GFRA1: variants seen among roughly 807,000 people sequenced by gnomAD.
The protein encoded by GFRA1 is GDNF family receptor alpha 1, also known as GDNF family receptor alpha-1.
GFRA1 carries 16 observed loss-of-function variants against 51.6 expected under a neutral mutation model. That is an observed-to-expected ratio of 0.31 (90% confidence interval 0.21 to 0.47). GFRA1 has a LOEUF of 0.47. Ranked by LOEUF, GFRA1 falls within the 20% of genes least tolerant of loss-of-function variation. The pLI, the probability that GFRA1 is intolerant of heterozygous loss-of-function variation, is 1.00. For missense variants in GFRA1, 530 were observed against 594.3 expected (o/e 0.89, Z 1.13); for synonymous variants, 270 against 241.3 (o/e 1.12, Z -1.10).
At chr10:116,096,363 G>T (rs115769635) in intron 7 of GFRA1, among the ~76,000 whole-genome samples, 2 of 152,044 alleles carry the variant, frequency 1.3e-5, no homozygotes, top group East Asian at 3.9e-4. Context: ...TTTGTTCTGC[G>T]TGGTCAGTTT....
At chr10:116,220,023 TA>T (rs1204146617) in intron 4 of GFRA1, among the ~76,000 whole-genome samples, 1 of 152,180 alleles carries the variant, frequency 6.6e-6, no homozygotes, top group Non-Finnish European at 1.5e-5. Flanking sequence ...TTTTTAAGTT[TA>T]AAATTACACA....
At chr10:116,067,265 T>C (rs1319037471) in intron 9 of GFRA1, among the ~76,000 whole-genome samples, 11 of 152,182 alleles carry the variant, frequency 7.2e-5, no homozygotes, top group African/African-American at 2.7e-4. Flanking sequence ...TTTATTTCTG[T>C]TCAAGTTTGG....
intron 9 of GFRA1, among the ~76,000 whole-genome samples, chr10:116,071,787 G>A (rs184069253): frequency 3.2e-4 from 49 of 152,252 alleles, no homozygotes; most frequent in African/African-American, 1.1e-3. Context: ...ATGTCTATAC[G>A]AAACTTTACC....
chr10:116,064,572 T>C (rs1255553814), intron 10 of GFRA1, 28 bp from the exon 11 acceptor site: 3 of 1,594,370 alleles, frequency 1.9e-6, no homozygotes, highest in East Asian at 2.2e-5. Flanking sequence ...TTCATTATCA[T>C]CCACTGCATG....
chr10:116,152,057 G>A (rs549817264), intron 5 of GFRA1, among the ~76,000 whole-genome samples: 50 of 152,286 alleles, frequency 3.3e-4, no homozygotes, highest in Non-Finnish European at 3.1e-4. Flanking sequence ...GGAGCATAGC[G>A]TGTGAGTGGA....
At chr10:116,222,665 G>A (rs1031255512) in intron 4 of GFRA1, among the ~76,000 whole-genome samples, 3 of 152,046 alleles carry the variant, frequency 2.0e-5, no homozygotes, top group Admixed American at 6.6e-5. Context: ...CACATAGAAG[G>A]CACTTCACAG....
intron 4 of GFRA1, among the ~76,000 whole-genome samples, chr10:116,225,223 A>C (rs576507535): frequency 3.3e-5 from 5 of 152,098 alleles, no homozygotes; most frequent in African/African-American, 4.8e-5. Flanking sequence ...ATAATTTTTT[A>C]TATTAAATTA....
At chr10:116,198,623 A>G (rs1338602490) in intron 5 of GFRA1, among the ~76,000 whole-genome samples, 2 of 152,128 alleles carry the variant, frequency 1.3e-5, no homozygotes, top group Non-Finnish European at 2.9e-5. Flanking sequence ...CTCTCTCCCA[A>G]GCCCTGGTTT....
chr10:116,166,697 T>C (rs921207186), intron 5 of GFRA1, among the ~76,000 whole-genome samples: 1 of 150,244 alleles, frequency 6.7e-6, no homozygotes, highest in African/African-American at 2.5e-5. Flanking sequence ...CTCCTTTCCT[T>C]CCCTGCCAGT....
chr10:116,227,791 T>C (rs962327287), intron 4 of GFRA1, among the ~76,000 whole-genome samples: 5 of 152,212 alleles, frequency 3.3e-5, no homozygotes, highest in African/African-American at 1.2e-4. Context: ...AGATCCATTT[T>C]CTCCACATGC....
chr10:116,181,698 C>A (rs1962240923), intron 5 of GFRA1, among the ~76,000 whole-genome samples: 1 of 151,918 alleles, frequency 6.6e-6, no homozygotes, highest in Non-Finnish European at 1.5e-5. Context: ...AGTACGGTGG[C>A]ATGATCTCGG....
intron 4 of GFRA1, among the ~76,000 whole-genome samples, chr10:116,219,405 C>A (rs975198768): frequency 4.6e-5 from 7 of 152,058 alleles, no homozygotes; most frequent in Non-Finnish European, 5.9e-5. Context: ...AATTGAATTA[C>A]TTTTTGAGTA....
chr10:116,271,917 C>T lies in GFRA1; in HGVS notation c.40+73G>A, dbSNP rs368472960. ...CGCGCCCCAATTTTGGTGCGGAGGG[C>T]GGGGTGGGCTGCTGCAAGCGACCCT... On this transcript the variant is annotated intron_variant, in intron 2 of 10. Transcript: ENST00000355422. 8.7e-5 allele frequency: 103 copies of T among 1,185,324 alleles called. No individual in the cohort carries two copies. In the East Asian group the frequency reaches 1.0e-3, roughly 12 times the overall value. 73.4% of individuals were successfully genotyped at this position (1,185,324 alleles called of 1,614,324 possible). A position where few individuals can be genotyped will look rare whatever the true frequency, so the allele number is the denominator to read the frequency against.
intron 9 of GFRA1, among the ~76,000 whole-genome samples, chr10:116,066,181 C>T (rs772236405): frequency 6.6e-6 from 1 of 152,152 alleles, no homozygotes; most frequent in African/African-American, 2.4e-5. Context: ...TACTGAGCAC[C>T]TACTGTTTAC....
intron 5 of GFRA1, among the ~76,000 whole-genome samples, chr10:116,145,043 G>A (rs1309345201): frequency 6.6e-6 from 1 of 150,776 alleles, no homozygotes; most frequent in East Asian, 1.9e-4. Flanking sequence ...CAGCTACTTG[G>A]GAGGCTGAGA....
At chr10:116,192,938 A>G (rs1350829781) in intron 5 of GFRA1, among the ~76,000 whole-genome samples, 1 of 152,198 alleles carries the variant, frequency 6.6e-6, no homozygotes, top group East Asian at 1.9e-4. Context: ...GAGAAGGCAG[A>G]AACAGCTGCC....
chr10:116,176,726 CTCCTTCCTTCCT>C (rs66897810), intron 5 of GFRA1, among the ~76,000 whole-genome samples: 3 of 130,528 alleles, frequency 2.3e-5, no homozygotes, highest in East Asian at 4.6e-4. Context: ...CCCTCCCTCC[CTCCTTCCTTCCT>C]TCCTTCCTTC....
At chr10:116,184,690 G>T (rs756027898) in intron 5 of GFRA1, among the ~76,000 whole-genome samples, 5 of 152,260 alleles carry the variant, frequency 3.3e-5, no homozygotes, top group African/African-American at 4.8e-5. Flanking sequence ...TCACAGCAGA[G>T]ATCTGGGGCC....
chr10:116,192,202 C>T (rs1963332385), intron 5 of GFRA1, among the ~76,000 whole-genome samples: 1 of 152,130 alleles, frequency 6.6e-6, no homozygotes, highest in Non-Finnish European at 1.5e-5. Flanking sequence ...CACCCCCATC[C>T]CCATTCCTTG....
Sources: gnomAD v4.1 joint callset for allele counts (sites outside exome capture counted in the v4.1 genomes callset) on GRCh38, gnomAD v4.1.1 for gene constraint, MANE v1.5 for transcripts, NCBI Gene and HGNC (gene_info 2026-07-23, HGNC 2026-07-21) for gene names.